Variants in TGM3 observed in about 807,000 individuals in gnomAD.
TGM3 encodes transglutaminase 3.
TGM3 carries 52 observed loss-of-function variants against 73.8 expected under a neutral mutation model. That is an observed-to-expected ratio of 0.70 (90% confidence interval 0.56 to 0.89). TGM3 has a LOEUF of 0.89. Ranked by LOEUF, TGM3 falls within the 40% of genes least tolerant of loss-of-function variation. The pLI is 0.00. For synonymous variants in TGM3, 372 were observed against 354.9 expected, an observed-to-expected ratio of 1.05 and a Z score of -0.54; for missense variants, 928 against 909.9, an observed-to-expected ratio of 1.02 and a Z score of -0.26.
At chr20:2,305,927 A>T (rs2084174476) in intron 1 of TGM3, among the ~76,000 whole-genome samples, 1 of 152,210 alleles carries the variant, frequency 6.6e-6, no homozygotes, top group South Asian at 2.1e-4. Flanking sequence ...GTAAACTTCA[A>T]CTAATAGTAT....
At chr20:2,338,965 T>C (rs1022492537) in intron 11 of TGM3, among the ~76,000 whole-genome samples, 1 of 152,258 alleles carries the variant, frequency 6.6e-6, no homozygotes, top group African/African-American at 2.4e-5. Context: ...TTTCATCTTT[T>C]GGTCTGAATA....
Position 2,310,172 on chromosome 20 carries a change from T to C in TGM3, c.182-6T>C, listed in dbSNP as rs1237377909. 3 of 1,614,020 alleles carry C rather than the reference T, an allele frequency of 1.9e-6. No individual in the cohort carries two copies. Among genetic ancestry groups the C allele is most frequent in the Admixed American group, 3.3e-5 (2 of 60,034 alleles). On this transcript the variant is annotated splice_polypyrimidine_tract_variant and splice_region_variant and intron_variant, in intron 2 of 12. Transcript: ENST00000381458. ...TGGTTTTCTCAACCTCTGTCTTCTTTGACAGGGCCTTACCCCTCAGAGTCG... is the reference window on the plus strand; with the variant it reads ...TGGTTTTCTCAACCTCTGTCTTCTTCGACAGGGCCTTACCCCTCAGAGTCG...
chr20:2,320,107 A>G (rs1489069953), intron 7 of TGM3, among the ~76,000 whole-genome samples: 1 of 152,162 alleles, frequency 6.6e-6, no homozygotes, highest in Admixed American at 6.6e-5. Context: ...CCTGGCGTGA[A>G]ATTACTAAGC....
At chr20:2,326,190 G>A (rs2084286906) in intron 8 of TGM3, among the ~76,000 whole-genome samples, 1 of 152,254 alleles carries the variant, frequency 6.6e-6, no homozygotes, top group Non-Finnish European at 1.5e-5. Flanking sequence ...CCTTGGCACA[G>A]GCCAGGTGGG....
chr20:2,340,640 T>C lies in TGM3; in HGVS notation c.*59T>C. The C allele has an allele frequency of 6.2e-7, 1 of 1,608,160 alleles. No homozygotes were observed. Among genetic ancestry groups the C allele is most frequent in the Non-Finnish European group, 8.5e-7 (1 of 1,175,730 alleles). On this transcript the variant is annotated 3_prime_UTR_variant, in exon 13 of 13. Transcript: ENST00000381458. ...AACACGGAGCAGGGAGAGCTCACCATGGAATGAACCCCCCGCCCATGCTGT... is the reference window on the plus strand; with the variant it reads ...AACACGGAGCAGGGAGAGCTCACCACGGAATGAACCCCCCGCCCATGCTGT...
At chr20:2,336,321 G>A (rs1174177327) in intron 11 of TGM3, among the ~76,000 whole-genome samples, 2 of 152,138 alleles carry the variant, frequency 1.3e-5, no homozygotes, top group Non-Finnish European at 2.9e-5. Flanking sequence ...GAGAACATGA[G>A]GTTTTCCCTT....
Position 2,309,772 on chromosome 20 carries a change from A to C in TGM3, c.123A>C (p.Leu41Phe), listed in dbSNP as rs2084193064. ...ILRRGQNFQV[L>F]MIMNKGLGSN... ...GGAGAGGCCAAAACTTCCAGGTCTT[A>C]ATGATCATGAACAAAGGCCTTGGCT... is the stretch of plus-strand genomic sequence containing the variant. Residue 41 changes from leucine to phenylalanine, a missense_variant, in exon 2 of 13, where the codon TTA (leucine) becomes TTC (phenylalanine). Transcript: ENST00000381458. 5 of 1,614,186 alleles carry C rather than the reference A, an allele frequency of 3.1e-6. No individual in the cohort carries two copies. Among genetic ancestry groups the C allele is most frequent in the Non-Finnish European group, 4.2e-6 (5 of 1,180,030 alleles).
Position 2,332,778 on chromosome 20 carries a change from CCT to C in TGM3, c.1642+469_1642+470del, listed in dbSNP as rs953998624. 2.6e-5 allele frequency among the ~76,000 whole-genome samples: 4 copies of C among 152,270 alleles called. No individual in the cohort carries two copies. The highest frequency in any genetic ancestry group is 1.9e-4 in the East Asian group (1 of 5,174). On this transcript the variant is annotated intron_variant, in intron 10 of 12. Transcript: ENST00000381458. This position sits in a 1 kb window ranked among gnomAD's most constrained non-coding sequence, Gnocchi z 4.4. ...CCTGATACTGAGTCCAGAGCCACCCCCTGTTTTCTATGTTGTATTGTTCTTAC... is the reference window on the plus strand; with the variant it reads ...CCTGATACTGAGTCCAGAGCCACCCCGTTTTCTATGTTGTATTGTTCTTAC...
intron 1 of TGM3, among the ~76,000 whole-genome samples, chr20:2,308,098 T>C (rs559606127): frequency 6.6e-6 from 1 of 152,238 alleles, no homozygotes; most frequent in East Asian, 1.9e-4. Context: ...GGCTCAGGCC[T>C]GTAGTCCCAG....
chr20:2,322,549 G>T (rs1386105173), intron 7 of TGM3, among the ~76,000 whole-genome samples: 2 of 152,148 alleles, frequency 1.3e-5, no homozygotes, highest in Non-Finnish European at 2.9e-5. Flanking sequence ...CCTATGTAAA[G>T]TCAGGTTACA....
chr20:2,325,367 C>T (rs1044403518), intron 7 of TGM3, among the ~76,000 whole-genome samples: 18 of 152,260 alleles, frequency 1.2e-4, no homozygotes, highest in Admixed American at 3.9e-4. Flanking sequence ...AGCCAAGAGA[C>T]GGTGTGGCTC....
chr20:2,333,756 C>T (rs1285343512), intron 10 of TGM3, among the ~76,000 whole-genome samples: 1 of 152,026 alleles, frequency 6.6e-6, no homozygotes, highest in African/African-American at 2.4e-5. Flanking sequence ...AAAAAAAAAC[C>T]GTTTTGCAGA....
At chr20:2,314,417 G>A (rs1305971866) in intron 5 of TGM3, among the ~76,000 whole-genome samples, 4 of 151,842 alleles carry the variant, frequency 2.6e-5, no homozygotes, top group Non-Finnish European at 5.9e-5. Context: ...TCGTGATCAG[G>A]CACAGTGGTT....
rs1382758566 is a variant in TGM3, at chr20:2,334,698, CTT to C, written c.1643-416_1643-415del. Among the ~76,000 whole-genome samples the C allele has an allele frequency of 6.6e-6, 1 of 152,188 alleles. No individual in the cohort carries two copies. Among genetic ancestry groups the C allele is most frequent in the African/African-American group, 2.4e-5 (1 of 41,448 alleles). On this transcript the variant is annotated intron_variant, in intron 10 of 12. Coordinates refer to ENST00000381458, the MANE Select transcript of TGM3 (RefSeq NM_003245.4). The surrounding 1 kb of genome is among the most constrained non-coding windows in gnomAD (Gnocchi z 4.0). ...AGTGCTCACGCCTGTAATCCCAACACTTTGGGAGGCCAAGGCGGGAGGATCCC... is the reference window on the plus strand; with the variant it reads ...AGTGCTCACGCCTGTAATCCCAACACTGGGAGGCCAAGGCGGGAGGATCCC...
At chr20:2,310,966 C>G in intron 3 of TGM3, 45 bp from the exon 4 acceptor site, 1 of 1,552,324 alleles carries the variant, frequency 6.4e-7, no homozygotes, top group Non-Finnish European at 8.9e-7. Flanking sequence ...CCCTACAGTC[C>G]TCCGAGGATT....
chr20:2,319,942 T>G (rs2122231471), intron 7 of TGM3, among the ~76,000 whole-genome samples: 1 of 152,356 alleles, frequency 6.6e-6, no homozygotes, highest in Admixed American at 6.5e-5. Context: ...GACTAGATGA[T>G]TTCTTAAGTC....
intron 8 of TGM3, among the ~76,000 whole-genome samples, chr20:2,327,751 C>G (rs7274152): frequency 6.6e-6 from 1 of 152,134 alleles, no homozygotes; most frequent in African/African-American, 2.4e-5. Flanking sequence ...TCTTCCTGGA[C>G]TAGGAAGGTG....
intron 1 of TGM3, among the ~76,000 whole-genome samples, chr20:2,302,811 C>T (rs214785): frequency 0.73 from 111,240 of 151,710 alleles, 42,818 homozygotes; most frequent in East Asian, 0.93. Flanking sequence ...GTAGGGACAA[C>T]CCAGATGTCC....
intron 1 of TGM3, among the ~76,000 whole-genome samples, chr20:2,302,098 T>A (rs963577362): frequency 6.6e-6 from 1 of 152,218 alleles, no homozygotes; most frequent in Non-Finnish European, 1.5e-5. Context: ...TAGAGTCTGG[T>A]TGGGGGCTAG....
Sources: gnomAD v4.1 joint callset for allele counts (sites outside exome capture counted in the v4.1 genomes callset) on GRCh38, gnomAD v4.1.1 for gene constraint, Gnocchi (gnomAD v3.1) non-coding constraint, MANE v1.5 for transcripts, NCBI Gene and HGNC (gene_info 2026-07-23, HGNC 2026-07-21) for gene names.